The following PDHA1 variants were observed in gnomAD, a reference collection of about 807,000 sequenced individuals.
PDHA1 encodes the protein pyruvate dehydrogenase E1 subunit alpha 1.
PDHA1 carries 1 observed loss-of-function variant against 33.0 expected under a neutral mutation model. That is an observed-to-expected ratio of 0.03 (90% CI 0.01 to 0.14). The LOEUF (loss-of-function observed/expected upper bound fraction) is 0.14. PDHA1 is among the 10% of genes least tolerant of loss of function. The probability of loss-of-function intolerance (pLI) is 1.00; values close to 1 mark genes in which losing one functional copy is unlikely to be tolerated. For missense variants in PDHA1, 168 were observed against 325.1 expected, an observed-to-expected ratio of 0.52 and a Z score of 3.72; for synonymous variants, 123 against 119.2, an observed-to-expected ratio of 1.03 and a Z score of -0.21.
chrX:19,353,257 T>C, intron 5 of PDHA1, 84 bp downstream of exon 5: 1 of 715,076 alleles, frequency 1.4e-6, no homozygotes, highest in South Asian at 2.1e-5. Flanking sequence ...CAGACAACTT[T>C]TCCTGAAGTA....
In PDHA1 at chrX:19,360,573, A is replaced by G. The variant is rs2063270735; in HGVS notation, c.*920A>G. The G allele has an allele frequency of 2.4e-6, 1 of 408,946 alleles. No individual in the cohort carries two copies. Among genetic ancestry groups the G allele is most frequent in the Non-Finnish European group, 4.2e-6 (1 of 236,581 alleles). 33.7% of individuals were successfully genotyped at this position (408,946 alleles called of 1,213,427 possible). ...CAATACACACAGTTCTATGTTTATA[A>G]ATAACAGGTTTCAAAAGAAACTCAG... On this transcript the variant is annotated 3_prime_UTR_variant, in exon 11 of 11. Transcript: ENST00000422285.
At chrX:19,359,391 TAA>T (rs1224729580) in intron 10 of PDHA1, 96 bp from the exon 11 acceptor site, 1 of 680,655 alleles carries the variant, frequency 1.5e-6, no homozygotes, top group African/African-American at 2.2e-5. Flanking sequence ...TACTTGTAGT[TAA>T]AGAGTTACAC....
At chrX:19,359,293 C>CTAAAAGTATACTGTGGAT (rs2063239179) in intron 10 of PDHA1, among the ~76,000 whole-genome samples, 196 bp from the exon 11 acceptor site, 1 of 111,539 alleles carries the variant, frequency 9.0e-6, no homozygotes, top group African/African-American at 3.3e-5. Flanking sequence ...TTCTTTTTTC[C>CTAAAAGTATACTGTGGAT]TAAAAGTATA....
intron 1 of PDHA1, among the ~76,000 whole-genome samples, chrX:19,347,499 G>A (rs2063142084): frequency 1.8e-5 from 2 of 112,708 alleles, no homozygotes; most frequent in African/African-American, 6.4e-5. Flanking sequence ...GATTACAGGC[G>A]CATGCCACAG....
In PDHA1 at chrX:19,360,107, A is replaced by AATAAGACTTTTG. The variant is rs1438677426; in HGVS notation, c.*455_*466dup. ...AGGCAAGAGGACAGTTCCATTTTAA[A>AATAAGACTTTTG]ATAAGACTTTTGTAATCATTCCAAT... On this transcript the variant is annotated 3_prime_UTR_variant, in exon 11 of 11. Transcript: ENST00000422285. The AATAAGACTTTTG allele has an allele frequency of 6.7e-6, 1 of 148,553 alleles. No individual in the cohort carries two copies. Among genetic ancestry groups the AATAAGACTTTTG allele is most frequent in the Non-Finnish European group, 1.2e-5 (1 of 81,859 alleles). 12.2% of individuals were successfully genotyped at this position (148,553 alleles called of 1,213,427 possible).
chrX:19,354,408 C>T, intron 5 of PDHA1, 83 bp from the exon 6 acceptor site: 1 of 600,507 alleles, frequency 1.7e-6, no homozygotes, highest in Middle Eastern at 3.0e-4. Context: ...CAGATTCTGG[C>T]CAGGAGTGAA....
At chrX:19,345,572 T>TTAAAAAAA (rs2063125797) in intron 1 of PDHA1, among the ~76,000 whole-genome samples, 16 of 30,263 alleles carry the variant, frequency 5.3e-4, no homozygotes, top group African/African-American at 1.5e-3. Context: ...CTCCGTATTT[T>TTAAAAAAA]AAAAAAAAAA....
At chrX:19,347,473 A>C (rs753853156) in intron 1 of PDHA1, among the ~76,000 whole-genome samples, 1 of 112,740 alleles carries the variant, frequency 8.9e-6, no homozygotes. Flanking sequence ...GGCAGTCCTA[A>C]TCTTTGCAGG....
At position 19,358,844 on chromosome X, in the gene PDHA1, T is replaced by A. The variant is rs577873294; in HGVS notation, c.900-72T>A. The stretch of plus-strand genomic sequence containing the variant: ...ATTGGGACAATCCAACCCCATATCA[T>A]GTTTCATCACGCCGTCCTTGCTCTA... On this transcript the variant is annotated intron_variant, in intron 9 of 10. Transcript: ENST00000422285. 3 of 609,818 alleles carry A rather than the reference T, an allele frequency of 4.9e-6. No individual in the cohort carries two copies. In the South Asian group the frequency reaches 6.7e-5, roughly 14 times the overall value. 50.3% of individuals were successfully genotyped at this position (609,818 alleles called of 1,213,427 possible).
intron 8 of PDHA1, 169 bp from the exon 9 acceptor site, chrX:19,357,483 G>C (rs2063210917): frequency 3.7e-6 from 2 of 533,583 alleles, no homozygotes; most frequent in East Asian, 6.6e-5. Flanking sequence ...ATACTTGCTA[G>C]AAATGAGAAC....
chrX:19,347,568 C>G (rs1485595795), intron 1 of PDHA1, among the ~76,000 whole-genome samples: 1 of 112,487 alleles, frequency 8.9e-6, no homozygotes, highest in African/African-American at 3.2e-5. Context: ...TGTTTCAACT[C>G]TAGGATTGAG....
Position 19,361,159 on chromosome X carries a change from A to C in PDHA1, c.*1506A>C. On this transcript the variant is annotated 3_prime_UTR_variant, in exon 11 of 11. Coordinates refer to ENST00000422285, the MANE Select transcript of PDHA1 (RefSeq NM_000284.4). ...AGATTGGCCAGCTCTTCTCTGTCAC[A>C]TTCCTATTTCTGACTTCTGCCTGGC... The C allele has an allele frequency of 4.6e-6, 2 of 438,322 alleles. No homozygotes were observed. The highest frequency in any genetic ancestry group is 7.8e-6 in the Non-Finnish European group (2 of 255,563). 36.1% of individuals were successfully genotyped at this position (438,322 alleles called of 1,213,427 possible).
At chrX:19,347,076 T>G (rs2063139437) in intron 1 of PDHA1, among the ~76,000 whole-genome samples, 1 of 111,254 alleles carries the variant, frequency 9.0e-6, no homozygotes, top group South Asian at 3.8e-4. Flanking sequence ...TATTTATTTT[T>G]GTAGAGATGA....
chrX:19,354,375 T>C, intron 5 of PDHA1, 116 bp from the exon 6 acceptor site: 1 of 551,872 alleles, frequency 1.8e-6, no homozygotes, highest in Non-Finnish European at 3.3e-6. Flanking sequence ...GGAGAGTTTG[T>C]AGCAGCAGTG....
In PDHA1 at chrX:19,360,557, C is replaced by CAGTTCTATGTTTA. The variant is rs767199793; in HGVS notation, c.*905_*917dup. ...AGGCTCACTGTTTTCACAATACACA[C>CAGTTCTATGTTTA]AGTTCTATGTTTATAAATAACAGGT... On this transcript the variant is annotated 3_prime_UTR_variant, in exon 11 of 11. Coordinates refer to ENST00000422285, the MANE Select transcript of PDHA1 (RefSeq NM_000284.4). 2.4e-5 allele frequency: 9 copies of CAGTTCTATGTTTA among 371,431 alleles called. No individual in the cohort carries two copies. The highest frequency in any genetic ancestry group is 4.2e-5 in the Non-Finnish European group (9 of 215,441). 30.6% of individuals were successfully genotyped at this position (371,431 alleles called of 1,213,427 possible). A position where few individuals can be genotyped will look rare whatever the true frequency, so the allele number is the denominator to read the frequency against.
chrX:19,349,754 C>G (rs2063153598), intron 2 of PDHA1, among the ~76,000 whole-genome samples, 183 bp from the exon 3 acceptor site: 1 of 111,793 alleles, frequency 8.9e-6, no homozygotes, highest in African/African-American at 3.3e-5. Context: ...TCCCCCAAGC[C>G]CCATCTCATT....
rs1400294822 is a variant in PDHA1 at position 19,358,104 on chromosome X, CTCTG to C, written c.899+390_899+393del. The stretch of plus-strand genomic sequence containing the variant: ...AGAGGATCAGAATTTGGAGATGTTC[CTCTG>C]TCTGGTATAGAGCTAAGGGTAACTG... On this transcript the variant is annotated intron_variant, in intron 9 of 10. Transcript: ENST00000422285. 2.7e-5 allele frequency among the ~76,000 whole-genome samples: 3 copies of C among 111,902 alleles called. No individual in the cohort carries two copies. In the East Asian group the frequency reaches 8.4e-4, roughly 31 times the overall value.
Position 19,344,046 on chromosome X carries a change from G to T in PDHA1, c.9G>T (p.Lys3Asn), listed in dbSNP as rs896032802. 2.5e-6 allele frequency: 3 copies of T among 1,208,627 alleles called. No homozygotes were observed. The highest frequency in any genetic ancestry group is 2.2e-5 in the Admixed American group (1 of 46,104). The change falls in exon 1 of 11, where the codon AAG becomes AAT. Residue 3 changes from lysine to asparagine, a missense_variant. This residue lies in a region of PDHA1 where 46 missense variants were observed against 47.4 expected (regional missense o/e 0.97). Transcript: ENST00000422285. Reference protein sequence around the residue: MRKMLAAVSRVLS... With the variant: MRNMLAAVSRVLS... ...GCCACTGCCTGTGCTTCATGAGGAA[G>T]ATGCTCGCCGCCGTCTCCCGCGTGC...
Position 19,361,368 on chromosome X carries a change from A to C in PDHA1, c.*1715A>C, listed in dbSNP as rs1335899217. 1.7e-6 allele frequency: 2 copies of C among 1,208,154 alleles called. No homozygotes were observed. The highest frequency in any genetic ancestry group is 3.5e-5 in the African/African-American group (2 of 57,530). On this transcript the variant is annotated 3_prime_UTR_variant, in exon 11 of 11. Coordinates refer to ENST00000422285, the MANE Select transcript of PDHA1 (RefSeq NM_000284.4). Reference sequence around the variant, plus strand: ...GTCGAAGGTATCTTAGATCTTCCTTAGTGATCTCATTAAGAATATCCGAAA... The same window carrying C: ...GTCGAAGGTATCTTAGATCTTCCTTCGTGATCTCATTAAGAATATCCGAAA...
Sources: allele counts gnomAD v4.1 joint callset (sites outside exome capture counted in the v4.1 genomes callset), GRCh38; gene constraint gnomAD v4.1.1; regional missense constraint gnomAD v4.1.1; transcripts MANE v1.5; gene names NCBI Gene and HGNC (gene_info 2026-07-23, HGNC 2026-07-21).